Variants in PDGFD observed in about 807,000 individuals in gnomAD.
PDGFD encodes platelet-derived growth factor D.
PDGFD carries 30 observed loss-of-function variants against 44.7 expected under a neutral mutation model. The observed-to-expected ratio is 0.67, with a 90% CI of 0.50 to 0.91. PDGFD has a LOEUF of 0.91. PDGFD is among the 40% of genes least tolerant of loss of function. The pLI, the probability that PDGFD is intolerant of heterozygous loss-of-function variation, is 0.00. For missense variants in PDGFD, 445 were observed against 457.8 expected (o/e 0.97, Z 0.25); for synonymous variants, 173 against 168.4 (o/e 1.03, Z -0.21).
intron 3 of PDGFD, among the ~76,000 whole-genome samples, chr11:103,962,188 G>A (rs1030703905): frequency 1.1e-4 from 17 of 152,122 alleles, no homozygotes; most frequent in Admixed American, 1.0e-3. Context: ...AGAATTAGGA[G>A]TCATTCCTTA....
chr11:103,957,070 C>T (rs1435927270), intron 3 of PDGFD, among the ~76,000 whole-genome samples: 1 of 152,006 alleles, frequency 6.6e-6, no homozygotes, highest in Non-Finnish European at 1.5e-5. Context: ...TAATTAGATC[C>T]CATTTGTCAA....
intron 1 of PDGFD, among the ~76,000 whole-genome samples, chr11:104,078,136 C>T (rs868736096): frequency 9.2e-5 from 14 of 152,182 alleles, no homozygotes; most frequent in Non-Finnish European, 1.9e-4. Context: ...CCTCTATTGA[C>T]CACAGGTCTG....
At chr11:103,969,043 T>C (rs918554247) in intron 3 of PDGFD, among the ~76,000 whole-genome samples, 2 of 152,206 alleles carry the variant, frequency 1.3e-5, no homozygotes, top group Non-Finnish European at 2.9e-5. Flanking sequence ...CTTTGAGAAA[T>C]ATCTTTAGGT....
At chr11:103,940,775 T>C (rs1293661402) in intron 5 of PDGFD, among the ~76,000 whole-genome samples, 2 of 152,124 alleles carry the variant, frequency 1.3e-5, no homozygotes, top group African/African-American at 4.8e-5. Context: ...TTAAATTAAA[T>C]GGTACAAAAA....
chr11:104,067,007 C>T lies in PDGFD; in HGVS notation c.125-66752G>A, dbSNP rs138692569. On this transcript the variant is annotated intron_variant, in intron 1 of 6. Transcript: ENST00000393158. ...CAAGCACTGTGTTAGGTGCTGGTGA[C>T]GAAAGCTGACTGTTATACGAAGATG... is the stretch of plus-strand genomic sequence containing the variant. Among the ~76,000 whole-genome samples, 1,333 of 152,230 alleles carry T rather than the reference C, an allele frequency of 8.8e-3. 24 individuals are homozygous for T. The highest frequency in any genetic ancestry group is 0.03 in the African/African-American group (1,228 of 41,544).
chr11:104,092,168 C>T (rs901591159), intron 1 of PDGFD, among the ~76,000 whole-genome samples: 1 of 152,114 alleles, frequency 6.6e-6, no homozygotes, highest in African/African-American at 2.4e-5. Context: ...AAAATCTGAA[C>T]CTGTGGATAT....
intron 1 of PDGFD, among the ~76,000 whole-genome samples, chr11:104,157,083 A>G (rs1020270109): frequency 1.3e-5 from 2 of 152,240 alleles, no homozygotes; most frequent in Non-Finnish European, 2.9e-5. Context: ...GTCAAACACT[A>G]GACAGGTTAC....
chr11:103,999,940 T>G, intron 2 of PDGFD, 111 bp downstream of exon 2: 1 of 904,562 alleles, frequency 1.1e-6, no homozygotes. Context: ...AAGCGACACA[T>G]GTTGGGTCCA....
chr11:104,054,990 GC>G (rs1000659218), intron 1 of PDGFD, among the ~76,000 whole-genome samples: 1 of 152,192 alleles, frequency 6.6e-6, no homozygotes, highest in African/African-American at 2.4e-5. Flanking sequence ...AACACATTAT[GC>G]AAGTAGCATC....
chr11:104,094,610 C>T (rs1385742067), intron 1 of PDGFD, among the ~76,000 whole-genome samples: 1 of 152,092 alleles, frequency 6.6e-6, no homozygotes, highest in Non-Finnish European at 1.5e-5. Context: ...TTGAAGTACC[C>T]TTCATCTAAT....
chr11:103,936,032 G>T (rs566375088), intron 5 of PDGFD, among the ~76,000 whole-genome samples: 1 of 152,070 alleles, frequency 6.6e-6, no homozygotes, highest in African/African-American at 2.4e-5. Flanking sequence ...TTTTAATATT[G>T]ATAAATAAAA....
At chr11:103,944,139 T>G (rs1363834874) in intron 4 of PDGFD, among the ~76,000 whole-genome samples, 1 of 152,202 alleles carries the variant, frequency 6.6e-6, no homozygotes, top group East Asian at 1.9e-4. Context: ...TGTACGAATC[T>G]ACTCTGGAGA....
chr11:103,976,868 TG>T (rs1859192609), intron 3 of PDGFD, among the ~76,000 whole-genome samples: 1 of 151,906 alleles, frequency 6.6e-6, no homozygotes, highest in Admixed American at 6.6e-5. Flanking sequence ...TTGAGTAAGT[TG>T]AACCAGCCTT....
chr11:103,953,248 A>T (rs1858785705), intron 3 of PDGFD, among the ~76,000 whole-genome samples: 1 of 150,422 alleles, frequency 6.6e-6, no homozygotes, highest in African/African-American at 2.4e-5. Context: ...TCAAAAACAA[A>T]AGTAAAACCA....
chr11:104,077,486 AGGTAAATG>A (rs1860976489), intron 1 of PDGFD, among the ~76,000 whole-genome samples: 1 of 152,116 alleles, frequency 6.6e-6, no homozygotes, highest in Non-Finnish European at 1.5e-5. Context: ...GGACAGGGAG[AGGTAAATG>A]GGGATTTGTG....
At chr11:103,952,618 T>G (rs955454989) in intron 3 of PDGFD, among the ~76,000 whole-genome samples, 1 of 152,300 alleles carries the variant, frequency 6.6e-6, no homozygotes, top group South Asian at 2.1e-4. Flanking sequence ...ATCTCCCAAC[T>G]AATTATGACT....
At chr11:104,050,347 A>G (rs1020449501) in intron 1 of PDGFD, among the ~76,000 whole-genome samples, 1 of 152,146 alleles carries the variant, frequency 6.6e-6, no homozygotes, top group Non-Finnish European at 1.5e-5. Context: ...GTAGGGAGTG[A>G]TAGAGGATTG....
chr11:104,036,197 G>A (rs570663097), intron 1 of PDGFD, among the ~76,000 whole-genome samples: 25 of 152,174 alleles, frequency 1.6e-4, no homozygotes, highest in Non-Finnish European at 3.2e-4. Context: ...CCAGCACTTT[G>A]GGAGGCCGAA....
intron 3 of PDGFD, among the ~76,000 whole-genome samples, chr11:103,977,100 G>T (rs942974953): frequency 2.6e-5 from 4 of 151,982 alleles, no homozygotes; most frequent in South Asian, 2.1e-4. Flanking sequence ...TAGAAGAAAT[G>T]GATAGATTTC....
Sources: allele counts gnomAD v4.1 joint callset (sites outside exome capture counted in the v4.1 genomes callset), GRCh38; gene constraint gnomAD v4.1.1; transcripts MANE v1.5; gene names NCBI Gene and HGNC (gene_info 2026-07-23, HGNC 2026-07-21).